CAMK2D: variants seen among roughly 807,000 people sequenced by gnomAD.
The protein encoded by CAMK2D is calcium/calmodulin dependent protein kinase II delta.
In CAMK2D, 37 loss-of-function variants were observed where a neutral mutation model predicts 84.0. That is an observed-to-expected ratio of 0.44 (90% CI 0.34 to 0.58). The LOEUF (loss-of-function observed/expected upper bound fraction) is 0.58. Ranked by LOEUF, CAMK2D falls within the 20% of genes least tolerant of loss-of-function variation. CAMK2D has a pLI of 0.02. For missense variants in CAMK2D, 448 were observed against 652.5 expected (o/e 0.69, Z 3.41); for synonymous variants, 202 against 212.5 (o/e 0.95, Z 0.43).
At chr4:113,716,097 C>T (rs1351111130) in intron 2 of CAMK2D, among the ~76,000 whole-genome samples, 1 of 152,032 alleles carries the variant, frequency 6.6e-6, no homozygotes, top group Non-Finnish European at 1.5e-5. Context: ...CACAGTAGTA[C>T]AAAAATATTA....
intron 3 of CAMK2D, among the ~76,000 whole-genome samples, chr4:113,621,954 A>T (rs866753437): frequency 2.6e-5 from 4 of 152,212 alleles, no homozygotes; most frequent in Admixed American, 1.3e-4. Context: ...AAATGTCTTC[A>T]TCTATATGGG....
intron 16 of CAMK2D, among the ~76,000 whole-genome samples, chr4:113,470,689 T>G (rs994635194): frequency 2.0e-5 from 3 of 151,564 alleles, no homozygotes; most frequent in African/African-American, 4.8e-5. Flanking sequence ...TTAGGTCAGG[T>G]CCCCGCGATG....
intron 2 of CAMK2D, chr4:113,753,936 T>C (rs1349667857): frequency 4.1e-6 from 4 of 982,602 alleles, no homozygotes; most frequent in Admixed American, 6.2e-5. Flanking sequence ...ACTTTATTCA[T>C]GCTTGAATTG....
At chr4:113,465,829 A>C (rs569831021) in intron 16 of CAMK2D, among the ~76,000 whole-genome samples, 59 of 152,128 alleles carry the variant, frequency 3.9e-4, no homozygotes, top group African/African-American at 1.4e-3. Flanking sequence ...GCCCTGCCAG[A>C]ATCTGCATTT....
chr4:113,457,424 C>T lies in CAMK2D; in HGVS notation c.1446G>A (p.Gln482=), dbSNP rs372404426. The T allele has an allele frequency of 5.2e-5, 84 of 1,613,802 alleles. No individual in the cohort carries two copies. Among genetic ancestry groups the T allele is most frequent in the Admixed American group, 8.3e-5 (5 of 59,986 alleles). Residue 482 remains glutamine (Q), a synonymous_variant, in exon 19 of 21, where the codon CAG becomes CAA. Coordinates refer to ENST00000511664, the MANE Select transcript of CAMK2D (RefSeq NM_001321571.2). Reference sequence around the variant, plus strand: ...GGTGCCACACACGAGTCTCTTCTGACTGCATTGTCTTTGGCATTCCACTGC... The same window carrying T: ...GGTGCCACACACGAGTCTCTTCTGATTGCATTGTCTTTGGCATTCCACTGC... ...MDGSGMPKTM[Q]SEETRVWHRR...
intron 3 of CAMK2D, among the ~76,000 whole-genome samples, chr4:113,644,972 G>T (rs985893821): frequency 6.6e-6 from 1 of 152,036 alleles, no homozygotes; most frequent in Admixed American, 6.5e-5. Context: ...ACCTATTTTT[G>T]AACAGCCTGT....
chr4:113,677,356 C>T (rs2099322726), intron 2 of CAMK2D, among the ~76,000 whole-genome samples: 1 of 151,940 alleles, frequency 6.6e-6, no homozygotes, highest in African/African-American at 2.4e-5. Context: ...TTTTGTTTCA[C>T]CATTTTATAC....
At chr4:113,503,318 C>T (rs567815614) in intron 14 of CAMK2D, 66 of 553,084 alleles carry the variant, frequency 1.2e-4, no homozygotes, top group South Asian at 7.5e-4. Context: ...GGCCTGTGAA[C>T]GTCTGTCCCA....
In CAMK2D at chr4:113,509,812, C is replaced by A. The variant is rs2098186014; in HGVS notation, c.947-137G>T. On this transcript the variant is annotated intron_variant, in intron 12 of 20. Transcript: ENST00000511664. ...AACATATGGCAAGTTATCAAAGTCA[C>A]ACTGATGAACGCGAGCTTACAGGAC... 6.1e-6 allele frequency: 4 copies of A among 653,726 alleles called. No individual in the cohort carries two copies. The East Asian group carries it at 1.1e-4, about 18-fold the overall frequency. 40.5% of individuals were successfully genotyped at this position (653,726 alleles called of 1,614,324 possible).
intron 3 of CAMK2D, among the ~76,000 whole-genome samples, chr4:113,635,436 C>A (rs1226004897): frequency 1.3e-5 from 2 of 152,136 alleles, no homozygotes; most frequent in African/African-American, 2.4e-5. Flanking sequence ...TATAGAATTT[C>A]TAATCCTTAT....
chr4:113,521,361 G>A (rs933840934), intron 8 of CAMK2D, among the ~76,000 whole-genome samples: 5 of 152,116 alleles, frequency 3.3e-5, no homozygotes, highest in Non-Finnish European at 7.3e-5. Context: ...AGTGGTTCCT[G>A]CATCTGTTAA....
At chr4:113,691,550 C>T (rs535473919) in intron 2 of CAMK2D, among the ~76,000 whole-genome samples, 2 of 152,094 alleles carry the variant, frequency 1.3e-5, no homozygotes, top group South Asian at 2.1e-4. Flanking sequence ...GTCAGGGGTT[C>T]GAGACCAGCC....
At chr4:113,672,134 A>G (rs2099290187) in intron 2 of CAMK2D, among the ~76,000 whole-genome samples, 1 of 152,204 alleles carries the variant, frequency 6.6e-6, no homozygotes, top group Admixed American at 6.5e-5. Flanking sequence ...AATTTATAAT[A>G]TTAACTTTCT....
At chr4:113,555,376 T>C (rs767829873) in intron 4 of CAMK2D, among the ~76,000 whole-genome samples, 7 of 152,208 alleles carry the variant, frequency 4.6e-5, no homozygotes, top group Non-Finnish European at 1.0e-4. Flanking sequence ...AATGCACAAG[T>C]AGGAGGCAAT....
chr4:113,751,349 A>AT (rs1351524502), intron 2 of CAMK2D, among the ~76,000 whole-genome samples: 3 of 152,228 alleles, frequency 2.0e-5, no homozygotes, highest in African/African-American at 7.2e-5. Context: ...AATGTGGCAT[A>AT]TATCAACTAT....
chr4:113,662,246 C>A (rs1228098692), intron 2 of CAMK2D, among the ~76,000 whole-genome samples: 1 of 152,148 alleles, frequency 6.6e-6, no homozygotes, highest in African/African-American at 2.4e-5. Flanking sequence ...ATTCTCCTTA[C>A]AATTGTTGGC....
intron 16 of CAMK2D, among the ~76,000 whole-genome samples, chr4:113,496,307 A>C (rs1411968205): frequency 6.6e-6 from 1 of 152,190 alleles, no homozygotes; most frequent in African/African-American, 2.4e-5. Context: ...CTATTTCAAC[A>C]ATTTTTGGCC....
At chr4:113,551,640 T>A (rs2098630296) in intron 5 of CAMK2D, among the ~76,000 whole-genome samples, 1 of 152,226 alleles carries the variant, frequency 6.6e-6, no homozygotes, top group African/African-American at 2.4e-5. Context: ...AATAAATTTT[T>A]AATTTAATTT....
At chr4:113,509,819 G>A (rs1590401524) in intron 12 of CAMK2D, 144 bp from the exon 13 acceptor site, 2 of 640,668 alleles carry the variant, frequency 3.1e-6, no homozygotes, top group Non-Finnish European at 2.8e-6. Context: ...TCACACTGAT[G>A]AACGCGAGCT....
Sources: allele counts gnomAD v4.1 joint callset (sites outside exome capture counted in the v4.1 genomes callset), GRCh38; gene constraint gnomAD v4.1.1; transcripts MANE v1.5; gene names NCBI Gene and HGNC (gene_info 2026-07-23, HGNC 2026-07-21).